FAM9B: variants seen among roughly 807,000 people sequenced by gnomAD.
The protein encoded by FAM9B is protein FAM9B.
FAM9B carries 18 observed loss-of-function variants against 16.6 expected under a neutral mutation model. The observed-to-expected ratio is 1.09, with a 90% CI of 0.75 to 1.61. The LOEUF is 1.61. Among genes scored for constraint, FAM9B ranks in the 40% most tolerant of loss-of-function variants. FAM9B has a pLI of 0.00. For synonymous variants in FAM9B, 43 were observed against 42.6 expected, an observed-to-expected ratio of 1.01 and a Z score of -0.03; for missense variants, 155 against 136.0, an observed-to-expected ratio of 1.14 and a Z score of -0.70.
rs997393747 is a variant in FAM9B at position 9,024,359 on chromosome X, G to T, written c.*1050C>A. The T allele has an allele frequency of 8.9e-6, 1 of 111,791 alleles. No individual in the cohort carries two copies. The allele number at this position is 111,791 out of a possible 1,213,427, so 9.2% of individuals were successfully genotyped here. A position where few individuals can be genotyped will look rare whatever the true frequency, so the allele number is the denominator to read the frequency against. On this transcript the variant is annotated 3_prime_UTR_variant, in exon 9 of 9. Coordinates refer to ENST00000327220, the MANE Select transcript of FAM9B (RefSeq NM_205849.3). ...GAAATAATTGTAAGCATACATAAAT[G>T]TTAACAAAATGCTTTCATTCAATTC...
intron 2 of FAM9B, 92 bp from the exon 3 acceptor site, chrX:9,032,553 TGGGGG>T: frequency 3.4e-6 from 1 of 296,477 alleles, no homozygotes; most frequent in Non-Finnish European, 5.8e-6. Flanking sequence ...TAGACTTTTT[TGGGGG>T]GGGGGGGCTC....
intron 4 of FAM9B, 179 bp downstream of exon 4, chrX:9,031,951 C>G: frequency 2.5e-6 from 1 of 407,314 alleles, no homozygotes; most frequent in Non-Finnish European, 4.2e-6. Flanking sequence ...CATTCCACAT[C>G]AACAATCAAA....
In FAM9B at chrX:9,032,178, A is replaced by G. The variant is rs545404387; in HGVS notation, c.150-17T>C. On this transcript the variant is annotated splice_polypyrimidine_tract_variant and intron_variant, in intron 3 of 8. Transcript: ENST00000327220. ...GTATTAGCCCTGTAAAAAAAGTTAC[A>G]TCAAAATTTTAACAAAATACTACAC... 1 of 1,203,550 alleles carries G rather than the reference A, an allele frequency of 8.3e-7. No individual in the cohort carries two copies. Among genetic ancestry groups the G allele is most frequent in the South Asian group, 1.8e-5 (1 of 55,613 alleles).
intron 7 of FAM9B, among the ~76,000 whole-genome samples, chrX:9,026,166 A>C (rs1353349179): frequency 1.8e-5 from 2 of 112,459 alleles, no homozygotes; most frequent in Non-Finnish European, 3.8e-5. Context: ...TGCACAAATA[A>C]AAAACAAGTA....
intron 1 of FAM9B, among the ~76,000 whole-genome samples, chrX:9,033,587 C>G (rs1602139599): frequency 1.1e-5 from 1 of 93,759 alleles, no homozygotes; most frequent in Non-Finnish European, 2.1e-5. Context: ...ACTTCTCCCC[C>G]CCTCGGCCCC....
intron 2 of FAM9B, 99 bp downstream of exon 2, chrX:9,032,860 C>T: frequency 1.8e-6 from 2 of 1,116,765 alleles, no homozygotes; most frequent in Non-Finnish European, 2.4e-6. Context: ...ACGAAGGGGC[C>T]TGGGGCCTCG....
At chrX:9,033,221 TC>T in intron 1 of FAM9B, 146 bp from the exon 2 acceptor site, 2 of 1,118,756 alleles carry the variant, frequency 1.8e-6, no homozygotes, top group Non-Finnish European at 2.4e-6. Flanking sequence ...GATGCCAGTG[TC>T]CCCTCCTGTC....
chrX:9,033,280 G>A (rs1921146473), intron 1 of FAM9B: 2 of 1,081,399 alleles, frequency 1.8e-6, no homozygotes, highest in Admixed American at 3.7e-5. Flanking sequence ...GCTCACAGCT[G>A]CCCCTCACAC....
rs371492822 is a variant in FAM9B, at chrX:9,025,478, A to G, written c.*31+6T>C. 206 of 1,061,665 alleles carry G rather than the reference A, an allele frequency of 1.9e-4. 2 individuals are homozygous for G. Among genetic ancestry groups the G allele is most frequent in the Middle Eastern group, 7.7e-4 (3 of 3,902 alleles). The allele number at this position is 1,061,665 out of a possible 1,213,427, so 87.5% of individuals were successfully genotyped here. The stretch of plus-strand genomic sequence containing the variant: ...GAGTTTTTAATATTAAATATGCACT[A>G]CTTACAGTTCTGACATGATTTTATT... On this transcript the variant is annotated splice_donor_region_variant and intron_variant, in intron 8 of 8. Transcript: ENST00000327220.
chrX:9,033,120 A>G, intron 1 of FAM9B, 45 bp from the exon 2 acceptor site: 1 of 1,184,952 alleles, frequency 8.4e-7, no homozygotes, highest in Non-Finnish European at 1.1e-6. Flanking sequence ...GAAACCTGGC[A>G]TCGGAAAGGA....
intron 7 of FAM9B, among the ~76,000 whole-genome samples, 182 bp from the exon 8 acceptor site, chrX:9,025,765 G>A (rs933109909): frequency 4.5e-5 from 5 of 112,047 alleles, no homozygotes; most frequent in African/African-American, 1.6e-4. Context: ...ATTTTTTAAT[G>A]CCAGATTTCA....
chrX:9,030,518 A>G (rs1398805186), intron 4 of FAM9B, 158 bp from the exon 5 acceptor site: 2 of 372,380 alleles, frequency 5.4e-6, no homozygotes, highest in Non-Finnish European at 8.9e-6. Context: ...AAAAAGCAAG[A>G]TTTACTCACT....
intron 1 of FAM9B, chrX:9,033,449 A>G: frequency 1.2e-6 from 1 of 802,750 alleles, no homozygotes; most frequent in Non-Finnish European, 1.5e-6. Context: ...CTGCACTGCC[A>G]CTCGCCCCCC....
At chrX:9,025,437 G>T (rs1373009318) in intron 8 of FAM9B, 47 bp downstream of exon 8, 1 of 866,745 alleles carries the variant, frequency 1.2e-6, no homozygotes, top group Non-Finnish European at 1.6e-6. Context: ...AAATATTCCA[G>T]TGCTACATCA....
chrX:9,029,051 A>G (rs764523906), intron 6 of FAM9B, among the ~76,000 whole-genome samples: 9 of 111,925 alleles, frequency 8.0e-5, no homozygotes, highest in Non-Finnish European at 1.5e-4. Context: ...CCGACCCAGG[A>G]AATTCCAACC....
Position 9,032,161 on chromosome X carries a change from C to T in FAM9B, c.150G>A (p.Gly50=). ...EPFAETDEHT[G]ANTKKPEDTA... ...TATCTTCTGGCTTCTTGGTATTAGC[C>T]CTGTAAAAAAAGTTACATCAAAATT... is the stretch of plus-strand genomic sequence containing the variant. The change falls in exon 4 of 9, where the codon GGG becomes GGA. Residue 50 remains glycine, a splice_region_variant and synonymous_variant. Transcript: ENST00000327220. 1 of 1,202,985 alleles carries T rather than the reference C, an allele frequency of 8.3e-7. No individual in the cohort carries two copies. The highest frequency in any genetic ancestry group is 1.1e-6 in the Non-Finnish European group (1 of 891,956).
At chrX:9,033,370 C>T (rs1385475185) in intron 1 of FAM9B, 1 of 1,004,922 alleles carries the variant, frequency 1.0e-6, no homozygotes, top group Non-Finnish European at 1.3e-6. Context: ...ACCTAGCGAC[C>T]CCATGTGGCT....
chrX:9,025,329 A>G lies in FAM9B; in HGVS notation c.*80T>C, dbSNP rs1816766581. The stretch of plus-strand genomic sequence containing the variant: ...TCAAGTTCTTTCTTCAGTCATCAGA[A>G]TAACAGAGGTTGAAGAGACAACTGG... On this transcript the variant is annotated 3_prime_UTR_variant, in exon 9 of 9. Coordinates refer to ENST00000327220, the MANE Select transcript of FAM9B (RefSeq NM_205849.3). 1 of 378,091 alleles carries G rather than the reference A, an allele frequency of 2.6e-6. No individual in the cohort carries two copies. The highest frequency in any genetic ancestry group is 4.6e-6 in the Non-Finnish European group (1 of 216,593). The allele number at this position is 378,091 out of a possible 1,213,427, so 31.2% of individuals were successfully genotyped here. A position where few individuals can be genotyped will look rare whatever the true frequency, so the allele number is the denominator to read the frequency against.
chrX:9,033,962 C>T lies in FAM9B; in HGVS notation c.-200G>A. The T allele has an allele frequency of 1.4e-6, 1 of 725,982 alleles. No individual in the cohort carries two copies. Among genetic ancestry groups the T allele is most frequent in the Non-Finnish European group, 1.6e-6 (1 of 613,725 alleles). The allele number at this position is 725,982 out of a possible 1,213,427, so 59.8% of individuals were successfully genotyped here. ...AGCTGAGGCAGGAGAATTGCTTGAA[C>T]CCAGGAGGCGGAGGTTGCAGTGAGC... On this transcript the variant is annotated 5_prime_UTR_variant, in exon 1 of 9. Transcript: ENST00000327220.
Sources: gnomAD v4.1 joint callset for allele counts (sites outside exome capture counted in the v4.1 genomes callset) on GRCh38, gnomAD v4.1.1 for gene constraint, MANE v1.5 for transcripts, NCBI Gene and HGNC (gene_info 2026-07-23, HGNC 2026-07-21) for gene names.